Variants in NPFFR2 observed in about 807,000 individuals in gnomAD.
NPFFR2 encodes neuropeptide FF receptor 2, also known as G-protein coupled receptor 74.
In NPFFR2, 15 loss-of-function variants were observed where a neutral mutation model predicts 13.1. The ratio of observed to expected loss-of-function variants is 1.15; its 90% CI spans 0.77 to 1.76. The LOEUF (loss-of-function observed/expected upper bound fraction) is 1.76. NPFFR2 is among the 40% of genes most tolerant of loss of function. NPFFR2 has a pLI of 0.00. For synonymous variants in NPFFR2, 190 were observed against 175.7 expected, an observed-to-expected ratio of 1.08 and a Z score of -0.65; for missense variants, 572 against 503.5, an observed-to-expected ratio of 1.14 and a Z score of -1.30.
intron 1 of NPFFR2, among the ~76,000 whole-genome samples, chr4:72,082,371 C>T (rs1180720655): frequency 6.6e-6 from 1 of 152,146 alleles, no homozygotes; most frequent in Non-Finnish European, 1.5e-5. Context: ...TTAATTCATT[C>T]CAATCAGGCT....
intron 1 of NPFFR2, among the ~76,000 whole-genome samples, chr4:72,112,206 TATAATA>T (rs1320823091): frequency 6.6e-6 from 1 of 151,998 alleles, no homozygotes; most frequent in African/African-American, 2.4e-5. Context: ...TTTTCTAGAC[TATAATA>T]ATTTGAGTGA....
intron 1 of NPFFR2, among the ~76,000 whole-genome samples, chr4:72,118,939 G>A (rs931908648): frequency 6.6e-5 from 10 of 152,186 alleles, no homozygotes; most frequent in African/African-American, 2.2e-4. Context: ...TAGCATATAA[G>A]CATATGGAAA....
chr4:72,141,525 G>C (rs1407842580), intron 3 of NPFFR2, among the ~76,000 whole-genome samples: 1 of 152,178 alleles, frequency 6.6e-6, no homozygotes. Flanking sequence ...TTACCCAGTA[G>C]TCATTCAGGA....
chr4:72,051,153 G>A (rs1217987154), intron 1 of NPFFR2, among the ~76,000 whole-genome samples: 1 of 151,720 alleles, frequency 6.6e-6, no homozygotes, highest in African/African-American at 2.4e-5. Context: ...GGGTCAAATG[G>A]TATTTCTAGT....
Position 72,049,910 on chromosome 4 carries a change from C to T in NPFFR2, c.-8+17710C>T, listed in dbSNP as rs533990520. 5.3e-5 allele frequency among the ~76,000 whole-genome samples: 8 copies of T among 152,082 alleles called. No individual in the cohort carries two copies. The South Asian group carries it at 1.2e-3, about 24-fold the overall frequency. The stretch of plus-strand genomic sequence containing the variant: ...ACCTTTTGCTAGTCATAACAAGCCC[C>T]ATTCAACTACACTTGAATTTATGTC... On this transcript the variant is annotated intron_variant, in intron 1 of 3. Transcript: ENST00000308744.
At chr4:72,069,097 GA>G in intron 1 of NPFFR2, 1 of 486,236 alleles carries the variant, frequency 2.1e-6, no homozygotes. Context: ...TTCTGATGAG[GA>G]AAAGATAAGA....
chr4:72,071,195 T>A (rs571573051), intron 1 of NPFFR2, among the ~76,000 whole-genome samples: 83 of 152,318 alleles, frequency 5.4e-4, no homozygotes, highest in Non-Finnish European at 1.0e-3. Context: ...CAGGTGTTTC[T>A]CATGCACAGA....
intron 1 of NPFFR2, among the ~76,000 whole-genome samples, chr4:72,104,336 G>A (rs1162372415): frequency 6.6e-6 from 1 of 151,978 alleles, no homozygotes; most frequent in African/African-American, 2.4e-5. Context: ...ATGGGACTTT[G>A]CCTCATAATA....
chr4:72,090,723 T>A (rs1423684843), intron 1 of NPFFR2, among the ~76,000 whole-genome samples: 1 of 152,148 alleles, frequency 6.6e-6, no homozygotes, highest in African/African-American at 2.4e-5. Context: ...TTAGAAGCTT[T>A]ATGGATGAAT....
At position 72,148,294 on chromosome 4, in the gene NPFFR2, G is replaced by A. The variant is rs192044617; in HGVS notation, c.*482G>A. 8.5e-5 allele frequency among the ~76,000 whole-genome samples: 13 copies of A among 152,200 alleles called. No individual in the cohort carries two copies. Among genetic ancestry groups the A allele is most frequent in the African/African-American group, 2.2e-4 (9 of 41,526 alleles). On this transcript the variant is annotated 3_prime_UTR_variant, in exon 4 of 4. Transcript: ENST00000308744. ...ACTTGGTTTTCTAAGAAATACATTC[G>A]ATCACATGAAATTCTCTGCTGTTGT...
chr4:72,052,394 C>A (rs1475740711), intron 1 of NPFFR2, among the ~76,000 whole-genome samples: 1 of 144,936 alleles, frequency 6.9e-6, no homozygotes, highest in Non-Finnish European at 1.5e-5. Context: ...AAGACAAAAA[C>A]CACATGATTA....
chr4:72,043,645 T>G (rs1719297637), intron 1 of NPFFR2, among the ~76,000 whole-genome samples: 1 of 152,256 alleles, frequency 6.6e-6, no homozygotes. Context: ...GTAGCCCCTT[T>G]GTTTTCACTA....
intron 1 of NPFFR2, among the ~76,000 whole-genome samples, chr4:72,035,752 C>T (rs1719025765): frequency 6.6e-6 from 1 of 152,152 alleles, no homozygotes; most frequent in South Asian, 2.1e-4. Context: ...AATTGGTTCT[C>T]TTTCAGCTGT....
chr4:72,070,560 TG>T lies in NPFFR2; in HGVS notation c.-8+38372del, dbSNP rs748172308. 8.6e-3 allele frequency among the ~76,000 whole-genome samples: 89 copies of T among 10,342 alleles called. 1 individual carries two copies. Among genetic ancestry groups the T allele is most frequent in the Non-Finnish European group, 0.014 (35 of 2,508 alleles). The allele number at this position is 10,342 out of a possible 152,430, so 6.8% of individuals were successfully genotyped here. On this transcript the variant is annotated intron_variant, in intron 1 of 3. Transcript: ENST00000308744. ...GAAGTATCGTGTGTGTGTGTGTGTG[TG>T]GGGGGGGGGGGTGGGGCTCTGGTGG... is the stretch of plus-strand genomic sequence containing the variant.
chr4:72,068,995 A>G, intron 1 of NPFFR2: 1 of 1,396,700 alleles, frequency 7.2e-7, no homozygotes, highest in Non-Finnish European at 9.6e-7. Context: ...TCTTAATAAG[A>G]GTGAAGCATG....
chr4:72,046,329 C>T (rs1297059532), intron 1 of NPFFR2, among the ~76,000 whole-genome samples: 1 of 152,066 alleles, frequency 6.6e-6, no homozygotes, highest in Admixed American at 6.6e-5. Flanking sequence ...GGAGTTTCAC[C>T]CTCATGAGTG....
intron 1 of NPFFR2, among the ~76,000 whole-genome samples, chr4:72,112,754 G>A (rs1232188448): frequency 6.6e-6 from 1 of 151,846 alleles, no homozygotes; most frequent in Non-Finnish European, 1.5e-5. Flanking sequence ...TGTGAGTCAT[G>A]TGTCTCATGT....
At chr4:72,053,247 C>T (rs1170224873) in intron 1 of NPFFR2, among the ~76,000 whole-genome samples, 1 of 151,670 alleles carries the variant, frequency 6.6e-6, no homozygotes, top group East Asian at 1.9e-4. Flanking sequence ...AACAACAATA[C>T]CAATTTCAAG....
intron 1 of NPFFR2, among the ~76,000 whole-genome samples, chr4:72,054,628 T>C (rs1480652099): frequency 6.6e-6 from 1 of 151,842 alleles, no homozygotes; most frequent in Non-Finnish European, 1.5e-5. Context: ...ACTGACACAA[T>C]TAACTTTATC....
Sources: gnomAD v4.1 joint callset for allele counts (sites outside exome capture counted in the v4.1 genomes callset) on GRCh38, gnomAD v4.1.1 for gene constraint, MANE v1.5 for transcripts, NCBI Gene and HGNC (gene_info 2026-07-23, HGNC 2026-07-21) for gene names.